The following RHOJ variants were observed in gnomAD, a reference collection of about 807,000 sequenced individuals.
The protein encoded by RHOJ is rho-related GTP-binding protein RhoJ.
Under a neutral mutation model 23.4 loss-of-function variants are expected in RHOJ, and 11 were observed. That is an observed-to-expected ratio of 0.47 (90% CI 0.30 to 0.78). The LOEUF is 0.78. Among genes scored for constraint, RHOJ ranks in the 30% least tolerant of loss-of-function variants. The pLI is 0.08. For synonymous variants in RHOJ, 102 were observed against 102.7 expected (o/e 0.99, Z 0.04); for missense variants, 254 against 273.4 (o/e 0.93, Z 0.50).
chr14:63,226,791 ACTC>A (rs1379448636), intron 1 of RHOJ, among the ~76,000 whole-genome samples: 3 of 152,058 alleles, frequency 2.0e-5, no homozygotes, highest in Non-Finnish European at 4.4e-5. Flanking sequence ...TGCAAATACA[ACTC>A]CTAGAAAAGT....
rs35641601 is a variant in RHOJ at position 63,281,108 on chromosome 14, C to T, written c.375C>T (p.His125=). The change falls in exon 3 of 5, where the codon CAC becomes CAT. Residue 125 remains histidine (H), a synonymous_variant. Coordinates refer to ENST00000316754, the MANE Select transcript of RHOJ (RefSeq NM_020663.5). ...WVPELKDCMP[H]VPYVLIGTQI... ...CCGAGCTCAAGGACTGCATGCCTCA[C>T]GTGCCTTATGTCCTCATAGGGACCC... is the stretch of plus-strand genomic sequence containing the variant. 5.4e-4 allele frequency: 865 copies of T among 1,613,556 alleles called. 4 individuals carry two copies. In the African/African-American group the frequency reaches 8.8e-3, roughly 16 times the overall value.
At chr14:63,208,330 TC>T (rs1447067829) in intron 1 of RHOJ, among the ~76,000 whole-genome samples, 2 of 152,106 alleles carry the variant, frequency 1.3e-5, no homozygotes, top group Non-Finnish European at 2.9e-5. Context: ...CAAGAATAAT[TC>T]CCTGTTCCAT....
intron 1 of RHOJ, among the ~76,000 whole-genome samples, chr14:63,217,931 T>C (rs559807899): frequency 6.6e-6 from 1 of 152,244 alleles, no homozygotes; most frequent in South Asian, 2.1e-4. Flanking sequence ...CCTAACAGGA[T>C]GTAAACTCTA....
At chr14:63,251,466 A>T (rs1895070298) in intron 1 of RHOJ, among the ~76,000 whole-genome samples, 2 of 152,220 alleles carry the variant, frequency 1.3e-5, no homozygotes, top group South Asian at 4.1e-4. Flanking sequence ...CACAGTCTCA[A>T]TTCTAGAAAT....
chr14:63,228,400 T>C (rs1894632862), intron 1 of RHOJ, among the ~76,000 whole-genome samples: 1 of 152,216 alleles, frequency 6.6e-6, no homozygotes, highest in African/African-American at 2.4e-5. Flanking sequence ...AGGCTCATTC[T>C]TGGCAGCGTT....
chr14:63,288,307 C>CAGG, intron 4 of RHOJ: 4 of 985,416 alleles, frequency 4.1e-6, no homozygotes, highest in Non-Finnish European at 4.8e-6. Context: ...GCCCCTCCTG[C>CAGG]AGGACTCCAG....
intron 1 of RHOJ, among the ~76,000 whole-genome samples, chr14:63,209,121 C>T (rs1194214202): frequency 6.6e-6 from 1 of 152,112 alleles, no homozygotes; most frequent in South Asian, 2.1e-4. Context: ...CACTTATCAC[C>T]GTCTTCATTG....
intron 1 of RHOJ, among the ~76,000 whole-genome samples, chr14:63,235,074 G>A (rs1217786749): frequency 1.3e-5 from 2 of 151,996 alleles, no homozygotes; most frequent in African/African-American, 4.8e-5. Flanking sequence ...GCACTTTGGT[G>A]ACTATCTCTT....
chr14:63,286,222 C>A (rs1462609737), intron 4 of RHOJ, among the ~76,000 whole-genome samples: 1 of 152,170 alleles, frequency 6.6e-6, no homozygotes, highest in African/African-American at 2.4e-5. Context: ...AAAGTCACTT[C>A]ACCACTGGTG....
At chr14:63,288,595 A>T (rs1272327500) in intron 4 of RHOJ, among the ~76,000 whole-genome samples, 1 of 152,060 alleles carries the variant, frequency 6.6e-6, no homozygotes, top group Non-Finnish European at 1.5e-5. Flanking sequence ...TATTAGGAAA[A>T]TTTTCTCTGC....
intron 1 of RHOJ, among the ~76,000 whole-genome samples, chr14:63,223,938 T>A (rs1042913768): frequency 4.6e-5 from 7 of 152,178 alleles, no homozygotes; most frequent in African/African-American, 1.4e-4. Context: ...TACCACAGCT[T>A]GCAATCTCTC....
In RHOJ at chr14:63,293,091, CA is replaced by C. The variant is rs1882301210; in HGVS notation, c.*2069del. On this transcript the variant is annotated 3_prime_UTR_variant, in exon 5 of 5. Transcript: ENST00000316754. ...GTCAAAGCTTGACATTTAGAGAAAA[CA>C]AGGACTTTCTGCCTTTATAAATGGA... The C allele has an allele frequency of 6.6e-6, 1 of 152,070 alleles. No individual in the cohort carries two copies. Among genetic ancestry groups the C allele is most frequent in the Non-Finnish European group, 1.5e-5 (1 of 68,028 alleles). 9.4% of individuals were successfully genotyped at this position (152,070 alleles called of 1,614,324 possible). A position where few individuals can be genotyped will look rare whatever the true frequency, so the allele number is the denominator to read the frequency against.
At chr14:63,261,391 A>G (rs1483887070) in intron 1 of RHOJ, among the ~76,000 whole-genome samples, 4 of 152,044 alleles carry the variant, frequency 2.6e-5, no homozygotes, top group South Asian at 4.1e-4. Flanking sequence ...TCAGTTTTCT[A>G]TTGAACCTAA....
intron 1 of RHOJ, among the ~76,000 whole-genome samples, chr14:63,225,826 T>C (rs565767923): frequency 1.3e-5 from 2 of 152,244 alleles, no homozygotes; most frequent in African/African-American, 2.4e-5. Context: ...CTACAACCCA[T>C]GTATATAAAA....
intron 1 of RHOJ, among the ~76,000 whole-genome samples, chr14:63,251,287 T>C (rs1433038593): frequency 6.6e-6 from 1 of 152,194 alleles, no homozygotes; most frequent in East Asian, 1.9e-4. Context: ...AATTATTAAG[T>C]GTAAAGAAAA....
intron 1 of RHOJ, among the ~76,000 whole-genome samples, chr14:63,232,162 A>T (rs1894707599): frequency 6.6e-6 from 1 of 152,190 alleles, no homozygotes; most frequent in Admixed American, 6.5e-5. Context: ...TATGAGTTTC[A>T]TCAAATCATT....
chr14:63,281,894 T>C (rs1881910726), intron 3 of RHOJ, among the ~76,000 whole-genome samples: 1 of 152,226 alleles, frequency 6.6e-6, no homozygotes, highest in Non-Finnish European at 1.5e-5. Flanking sequence ...GGCTTCATTG[T>C]TATCTGTTTC....
intron 1 of RHOJ, among the ~76,000 whole-genome samples, chr14:63,221,256 G>A (rs1197007398): frequency 6.6e-6 from 1 of 152,152 alleles, no homozygotes; most frequent in Non-Finnish European, 1.5e-5. Flanking sequence ...CTTGACCCCA[G>A]GAGATCGAGG....
intron 1 of RHOJ, among the ~76,000 whole-genome samples, chr14:63,243,712 C>T (rs1894925795): frequency 6.6e-6 from 1 of 152,180 alleles, no homozygotes; most frequent in Non-Finnish European, 1.5e-5. Flanking sequence ...GTCTAAACGG[C>T]AAGGACATCC....
Sources: allele counts gnomAD v4.1 joint callset (sites outside exome capture counted in the v4.1 genomes callset), GRCh38; gene constraint gnomAD v4.1.1; transcripts MANE v1.5; gene names NCBI Gene and HGNC (gene_info 2026-07-23, HGNC 2026-07-21).